DTNB: variants seen among roughly 807,000 people sequenced by gnomAD.
The protein encoded by DTNB is DTN-B.
DTNB carries 63 observed loss-of-function variants against 90.7 expected under a neutral mutation model. The ratio of observed to expected loss-of-function variants is 0.69; its 90% CI spans 0.57 to 0.86. DTNB has a LOEUF of 0.86. Among genes scored for constraint, DTNB ranks in the 40% least tolerant of loss-of-function variants. The pLI, the probability that DTNB is intolerant of heterozygous loss-of-function variation, is 0.00. For synonymous variants in DTNB, 277 were observed against 286.7 expected, an observed-to-expected ratio of 0.97 and a Z score of 0.34; for missense variants, 744 against 807.1, an observed-to-expected ratio of 0.92 and a Z score of 0.95.
At chr2:25,492,644 G>A (rs895950755) in intron 9 of DTNB, among the ~76,000 whole-genome samples, 1 of 152,056 alleles carries the variant, frequency 6.6e-6, no homozygotes, top group African/African-American at 2.4e-5. Context: ...CAGGAGAATC[G>A]CTTGCATCCA....
intron 4 of DTNB, among the ~76,000 whole-genome samples, chr2:25,623,950 A>G (rs2148671873): frequency 6.6e-6 from 1 of 152,288 alleles, no homozygotes; most frequent in South Asian, 2.1e-4. Flanking sequence ...AAGACTGGTT[A>G]AGGCCATGAT....
intron 4 of DTNB, among the ~76,000 whole-genome samples, chr2:25,613,659 A>G (rs576750428): frequency 9.8e-5 from 14 of 142,750 alleles, no homozygotes; most frequent in African/African-American, 2.4e-4. Flanking sequence ...CAAATGTAGG[A>G]AAAAAAAAAA....
At chr2:25,661,538 G>A (rs116447141) in intron 1 of DTNB, among the ~76,000 whole-genome samples, 4 of 152,342 alleles carry the variant, frequency 2.6e-5, no homozygotes, top group South Asian at 2.1e-4. Flanking sequence ...GATTGCTTTG[G>A]GGGGAAAGGA....
intron 16 of DTNB, among the ~76,000 whole-genome samples, chr2:25,404,638 T>G (rs2044592231): frequency 6.6e-6 from 1 of 152,152 alleles, no homozygotes; most frequent in Admixed American, 6.5e-5. Context: ...GTGGATCACC[T>G]GCAGTCAGGA....
chr2:25,377,612 T>G (rs992724989), intron 20 of DTNB, 59 bp from the exon 21 acceptor site: 7 of 152,516 alleles, frequency 4.6e-5, no homozygotes, highest in African/African-American at 1.4e-4. Context: ...GGACAAAAGC[T>G]GCTAACATCT....
chr2:25,504,124 T>C (rs2071603999), intron 9 of DTNB, among the ~76,000 whole-genome samples: 2 of 151,824 alleles, frequency 1.3e-5, no homozygotes, highest in African/African-American at 4.8e-5. Context: ...AAAAATTAGC[T>C]GGGAGCAGTG....
intron 16 of DTNB, among the ~76,000 whole-genome samples, chr2:25,398,332 C>T (rs1406690986): frequency 2.6e-5 from 4 of 152,224 alleles, no homozygotes; most frequent in Admixed American, 1.3e-4. Flanking sequence ...AGAAAAGCTA[C>T]GACTCCTGGG....
At chr2:25,431,972 A>G (rs1423818754) in intron 14 of DTNB, among the ~76,000 whole-genome samples, 2 of 152,198 alleles carry the variant, frequency 1.3e-5, no homozygotes, top group African/African-American at 2.4e-5. Flanking sequence ...TAAATTCTTT[A>G]TGACTCTACT....
In DTNB at chr2:25,427,573, G is replaced by C. The variant is rs2052243498; in HGVS notation, c.1516C>G (p.Leu506Val). Residue 506 changes from leucine (L) to valine (V), a missense_variant, in exon 15 of 21, where the codon CTG (leucine) becomes GTG (valine). By Grantham distance (32) the Leu-to-Val change is conservative. Coordinates refer to ENST00000406818, the MANE Select transcript of DTNB (RefSeq NM_021907.5). The stretch of plus-strand genomic sequence containing the variant: ...ATCAGCTCTTCCAGCTGGACCATCA[G>C]CTCCCGCCTGCTCTCCTGCAGGGCC... ...MSALQESRRE[L>V]MVQLEELMKL... 1 of 1,613,598 alleles carries C rather than the reference G, an allele frequency of 6.2e-7. No homozygotes were observed. Among genetic ancestry groups the C allele is most frequent in the Non-Finnish European group, 8.5e-7 (1 of 1,179,832 alleles).
At chr2:25,410,412 T>C (rs909132827) in intron 16 of DTNB, among the ~76,000 whole-genome samples, 5 of 152,130 alleles carry the variant, frequency 3.3e-5, no homozygotes, top group African/African-American at 1.2e-4. Context: ...TCAGGGAGTT[T>C]TGGGGGAGTG....
chr2:25,628,550 A>C (rs190386229), intron 3 of DTNB, among the ~76,000 whole-genome samples, 166 bp from the exon 4 acceptor site: 5 of 152,316 alleles, frequency 3.3e-5, no homozygotes, highest in African/African-American at 1.2e-4. Flanking sequence ...TCAGTCCCAG[A>C]CAACATCAAG....
chr2:25,597,374 T>C (rs2064867917), intron 5 of DTNB, among the ~76,000 whole-genome samples: 1 of 152,020 alleles, frequency 6.6e-6, no homozygotes, highest in Non-Finnish European at 1.5e-5. Flanking sequence ...ATATTCTATA[T>C]ATTCACAGTG....
chr2:25,595,433 C>T (rs945121329), intron 6 of DTNB, among the ~76,000 whole-genome samples: 2 of 152,112 alleles, frequency 1.3e-5, no homozygotes, highest in Admixed American at 6.5e-5. Flanking sequence ...GTAAGTTTAA[C>T]ATTAAGCTTC....
In DTNB at chr2:25,550,353, T is replaced by C. The variant is rs554047679; in HGVS notation, c.877-18756A>G. On this transcript the variant is annotated intron_variant, in intron 8 of 20. Transcript: ENST00000406818. ...TTGCAGTGAGCCGAGATCGCGCCAC[T>C]GCACTCCAGCCTGGGTGAAAGAGCG... is the stretch of plus-strand genomic sequence containing the variant. Among the ~76,000 whole-genome samples, 17 of 152,200 alleles carry C rather than the reference T, an allele frequency of 1.1e-4. No homozygotes were observed. In the East Asian group the frequency reaches 2.1e-3, roughly 19 times the overall value.
In DTNB at chr2:25,451,613, G is replaced by T. The variant is rs561986293; in HGVS notation, c.1192C>A (p.Leu398Met). 8.7e-6 allele frequency: 14 copies of T among 1,603,854 alleles called. 1 individual carries two copies. The highest frequency in any genetic ancestry group is 8.5e-5 in the Admixed American group (5 of 58,662). ...CARVLDSPSR[L>M]DEEHRLIARY... is the part of the protein sequence containing the mutation. The stretch of plus-strand genomic sequence containing the variant: ...GCTATAAGACGGTGTTCCTCATCCA[G>T]TCGGCTAGGACTGTCCAGAACACTG... Residue 398 changes from leucine (L) to methionine (M), a missense_variant, in exon 12 of 21, where the codon CTG (leucine) becomes ATG (methionine). By Grantham distance (15) the Leu-to-Met change is conservative. Coordinates refer to ENST00000406818, the MANE Select transcript of DTNB (RefSeq NM_021907.5).
rs1303958849 is a variant in DTNB, at chr2:25,633,195, G to A, written c.149-4811C>T. Among the ~76,000 whole-genome samples, 3 of 152,114 alleles carry A rather than the reference G, an allele frequency of 2.0e-5. No homozygotes were observed. The East Asian group carries it at 5.8e-4, about 29-fold the overall frequency. On this transcript the variant is annotated intron_variant, in intron 3 of 20. Transcript: ENST00000406818. ...CCTCTCCCTCTCCCTCTCTTTCCAC[G>A]GTCTCCCTCTGATGCCGAGCCGAAG...
chr2:25,493,732 T>C (rs1439093613), intron 9 of DTNB, among the ~76,000 whole-genome samples: 1 of 152,194 alleles, frequency 6.6e-6, no homozygotes, highest in Non-Finnish European at 1.5e-5. Context: ...ATCCACGGCC[T>C]ATTCATGCCT....
intron 1 of DTNB, among the ~76,000 whole-genome samples, chr2:25,667,494 CAAA>C (rs995447296): frequency 6.8e-6 from 1 of 146,266 alleles, no homozygotes; most frequent in Non-Finnish European, 1.5e-5. Flanking sequence ...GACTCCATCT[CAAA>C]AAAAAAAGTC....
At chr2:25,596,001 T>C in intron 6 of DTNB, 85 bp downstream of exon 6, 1 of 1,222,266 alleles carries the variant, frequency 8.2e-7, no homozygotes, top group Non-Finnish European at 1.0e-6. Flanking sequence ...CTTACTAGAC[T>C]GGAAGCAATC....
Sources: allele counts gnomAD v4.1 joint callset (sites outside exome capture counted in the v4.1 genomes callset), GRCh38; gene constraint gnomAD v4.1.1; transcripts MANE v1.5; gene names NCBI Gene and HGNC (gene_info 2026-07-23, HGNC 2026-07-21).